The following MYDGF variants were observed in gnomAD, a reference collection of about 807,000 sequenced individuals.
The protein encoded by MYDGF is myeloid-derived growth factor.
MYDGF carries 29 observed loss-of-function variants against 24.2 expected under a neutral mutation model. The ratio of observed to expected loss-of-function variants is 1.20; its 90% CI spans 0.89 to 1.63. The LOEUF is 1.63. MYDGF is among the 40% of genes most tolerant of loss of function. The probability of loss-of-function intolerance (pLI) is 0.00; values close to 1 mark genes in which losing one functional copy is unlikely to be tolerated. For missense variants in MYDGF, 245 were observed against 234.8 expected, an observed-to-expected ratio of 1.04 and a Z score of -0.29; for synonymous variants, 105 against 102.5, an observed-to-expected ratio of 1.02 and a Z score of -0.15.
At position 4,664,911 on chromosome 19, in the gene MYDGF, G is replaced by A. The variant is rs1236363103; in HGVS notation, c.252C>T (p.Ser84=). ...NEQWQMSLGT[S]EDHQHFTCTI... The stretch of plus-strand genomic sequence containing the variant: ...TGCAGGTGAAGTGCTGGTGGTCTTC[G>A]CTGGTCCCCAGACTCATCTGCCATT... Residue 84 remains serine, a synonymous_variant, in exon 3 of 6, where the codon AGC becomes AGT. Coordinates refer to ENST00000262947, the MANE Select transcript of MYDGF (RefSeq NM_019107.4). 5.6e-6 allele frequency: 9 copies of A among 1,612,830 alleles called. No individual in the cohort carries two copies. The South Asian group carries it at 7.7e-5, about 14-fold the overall frequency.
chr19:4,659,206 G>A (rs1018807999), intron 5 of MYDGF, among the ~76,000 whole-genome samples: 2 of 151,956 alleles, frequency 1.3e-5, no homozygotes, highest in Non-Finnish European at 2.9e-5. Flanking sequence ...CTCCTAAGTA[G>A]CTGAGACTAC....
chr19:4,670,293 G>A lies in MYDGF; in HGVS notation c.42C>T (p.Ser14=), dbSNP rs775582677. ...CCCCTAGGAGCAGCGCGGCCCACAA[G>A]CTCGCGCCGACGCCGTTCCACCCTC... The part of the protein sequence containing the change: ...PSGGWNGVGA[S]LWAALLLGAV... The change falls in exon 1 of 6, where the codon AGC becomes AGT. Residue 14 remains serine (S), a synonymous_variant. Coordinates refer to ENST00000262947, the MANE Select transcript of MYDGF (RefSeq NM_019107.4). 17 of 1,513,788 alleles carry A rather than the reference G, an allele frequency of 1.1e-5. No homozygotes were observed. Among genetic ancestry groups the A allele is most frequent in the Non-Finnish European group, 1.4e-5 (16 of 1,131,034 alleles). The allele number at this position is 1,513,788 out of a possible 1,614,324, so 93.8% of individuals were successfully genotyped here.
Position 4,670,286 on chromosome 19 carries a change from C to T in MYDGF, c.49G>A (p.Ala17Thr). The T allele has an allele frequency of 6.6e-7, 1 of 1,524,194 alleles. No homozygotes were observed. The highest frequency in any genetic ancestry group is 8.8e-7 in the Non-Finnish European group (1 of 1,136,646). The allele number at this position is 1,524,194 out of a possible 1,614,324, so 94.4% of individuals were successfully genotyped here. Residue 17 changes from alanine to threonine, a missense_variant, in exon 1 of 6, where the codon GCC (alanine) becomes ACC (threonine). Physicochemically the swap from Ala to Thr is moderately conservative, Grantham distance 58. Coordinates refer to ENST00000262947, the MANE Select transcript of MYDGF (RefSeq NM_019107.4). ...GCCACGGCCCCTAGGAGCAGCGCGG[C>T]CCACAAGCTCGCGCCGACGCCGTTC... ...GWNGVGASLW[A>T]ALLLGAVALR... is the part of the protein sequence containing the mutation.
chr19:4,666,601 C>G (rs1368366801), intron 2 of MYDGF, among the ~76,000 whole-genome samples: 2 of 151,896 alleles, frequency 1.3e-5, no homozygotes, highest in Non-Finnish European at 2.9e-5. Flanking sequence ...GAAAATGGAC[C>G]CATGAATCCC....
chr19:4,663,547 T>TGCCC (rs1257494065), intron 3 of MYDGF, among the ~76,000 whole-genome samples: 1 of 4,068 alleles, frequency 2.5e-4, no homozygotes, highest in Non-Finnish European at 4.2e-4. Context: ...CTCCAATCTA[T>TGCCC]CCTCCCCACC....
chr19:4,668,165 G>A (rs1760007006), intron 2 of MYDGF, among the ~76,000 whole-genome samples: 1 of 152,178 alleles, frequency 6.6e-6, no homozygotes, highest in South Asian at 2.1e-4. Context: ...GACCTCAGGT[G>A]ATCTGCCCGC....
chr19:4,669,550 T>A (rs547811087), intron 1 of MYDGF, among the ~76,000 whole-genome samples: 1 of 151,932 alleles, frequency 6.6e-6, no homozygotes, highest in East Asian at 1.9e-4. Flanking sequence ...CCCAGAAGGC[T>A]AAGGATGCAG....
At position 4,670,148 on chromosome 19, in the gene MYDGF, C is replaced by T. The variant is rs1028464408; in HGVS notation, c.174+13G>A. 4.0e-6 allele frequency: 6 copies of T among 1,508,856 alleles called. No homozygotes were observed. The African/African-American group carries it at 7.3e-5, about 18-fold the overall frequency. The allele number at this position is 1,508,856 out of a possible 1,614,324, so 93.5% of individuals were successfully genotyped here. ...GCCAGCACTCAAATATCCGGGACGG[C>T]GGTGGCACGTACCCCCGGGCCCACG... On this transcript the variant is annotated intron_variant, in intron 1 of 5. Transcript: ENST00000262947.
At chr19:4,661,716 C>A (rs1254310514) in intron 3 of MYDGF, among the ~76,000 whole-genome samples, 6 of 152,066 alleles carry the variant, frequency 3.9e-5, no homozygotes, top group Admixed American at 3.3e-4. Context: ...GCCCTAGATT[C>A]TTCTTTAAGC....
chr19:4,670,233 C>T lies in MYDGF; in HGVS notation c.102G>A (p.Glu34=), dbSNP rs760939182. 6.4e-7 allele frequency: 1 copy of T among 1,570,752 alleles called. No homozygotes were observed. Among genetic ancestry groups the T allele is most frequent in the Non-Finnish European group, 8.6e-7 (1 of 1,161,452 alleles). The stretch of plus-strand genomic sequence containing the variant: ...GCACGTCAAACGCCACCGTCGTGGG[C>T]TCGGACACCGCCTCCGCCGGCCTCA... ...VALRPAEAVS[E]PTTVAFDVRP... is the part of the protein sequence containing the mutation. The change falls in exon 1 of 6, where the codon GAG becomes GAA. Residue 34 remains glutamate, a synonymous_variant. Transcript: ENST00000262947.
Position 4,664,857 on chromosome 19 carries a change from T to G in MYDGF, c.287+19A>C. ...AGGCCAACGGCAGCCGGAAATGCCA[T>G]CCCCACCCCGAGTCTCACCTCCAGA... On this transcript the variant is annotated intron_variant, in intron 3 of 5. Transcript: ENST00000262947. 1 of 1,611,106 alleles carries G rather than the reference T, an allele frequency of 6.2e-7. No individual in the cohort carries two copies. Among genetic ancestry groups the G allele is most frequent in the South Asian group, 1.1e-5 (1 of 90,844 alleles).
At chr19:4,663,116 A>C (rs1291449346) in intron 3 of MYDGF, among the ~76,000 whole-genome samples, 10 of 57,162 alleles carry the variant, frequency 1.7e-4, no homozygotes, top group South Asian at 5.9e-4. Context: ...TTCCCCACCC[A>C]CCTCATCCTC....
intron 5 of MYDGF, among the ~76,000 whole-genome samples, chr19:4,658,709 G>A (rs911851955): frequency 6.6e-5 from 10 of 152,176 alleles, no homozygotes; most frequent in African/African-American, 2.4e-4. Flanking sequence ...ATGTTTCCCA[G>A]TGACCCCTGC....
chr19:4,663,066 C>T (rs955833528), intron 3 of MYDGF, among the ~76,000 whole-genome samples: 4 of 151,608 alleles, frequency 2.6e-5, no homozygotes, highest in Non-Finnish European at 5.9e-5. Context: ...TCTACTCTCC[C>T]CACCCCACTC....
chr19:4,658,035 A>G lies in MYDGF; in HGVS notation c.492T>C (p.Ile164=), dbSNP rs12683. The G allele has an allele frequency of 0.048, 76,859 of 1,611,568 alleles. 7,278 individuals carry two copies. Among genetic ancestry groups the G allele is most frequent in the African/African-American group, 0.39 (29,515 of 74,938 alleles). ...AFKAELSKLV[I]VAKASRTEL is the part of the protein sequence containing the mutation. ...GCTCAGTGCGCGATGCCTTGGCCAC[A>G]ATCACCAGCTTGGACAGCTCAGCTT... The change falls in exon 6 of 6, where the codon ATT becomes ATC. Residue 164 remains isoleucine, a synonymous_variant. Transcript: ENST00000262947.
Position 4,667,528 on chromosome 19 carries a change from T to C in MYDGF, c.225+1067A>G, listed in dbSNP as rs373583442. ...TTCAGGTGATTCGCCAGCCTTGGCC[T>C]CCCAAAGTGCTGGGATTATAGGCAT... On this transcript the variant is annotated intron_variant, in intron 2 of 5. Transcript: ENST00000262947. 1.2e-4 allele frequency among the ~76,000 whole-genome samples: 19 copies of C among 152,132 alleles called. No homozygotes were observed. In the East Asian group the frequency reaches 2.9e-3, roughly 23 times the overall value.
chr19:4,658,730 C>G (rs184055505), intron 5 of MYDGF, among the ~76,000 whole-genome samples: 1 of 152,184 alleles, frequency 6.6e-6, no homozygotes, highest in Non-Finnish European at 1.5e-5. Flanking sequence ...AGCCTCCCCT[C>G]GGCATGCCAC....
At chr19:4,659,661 T>A (rs534740923) in intron 5 of MYDGF, 21 of 512,640 alleles carry the variant, frequency 4.1e-5, no homozygotes, top group African/African-American at 3.6e-4. Flanking sequence ...CGCGCCCAGC[T>A]AAGATAAAGT....
At chr19:4,662,711 G>A (rs1039899587) in intron 3 of MYDGF, among the ~76,000 whole-genome samples, 1 of 152,098 alleles carries the variant, frequency 6.6e-6, no homozygotes, top group Non-Finnish European at 1.5e-5. Flanking sequence ...GAGCCATCAG[G>A]CTGGTCCTTC....
Sources: allele counts gnomAD v4.1 joint callset (sites outside exome capture counted in the v4.1 genomes callset), GRCh38; gene constraint gnomAD v4.1.1; transcripts MANE v1.5; gene names NCBI Gene and HGNC (gene_info 2026-07-23, HGNC 2026-07-21).